Variants in AVL9 observed in about 807,000 individuals in gnomAD.
AVL9 encodes the protein late secretory pathway protein AVL9 homolog.
AVL9 carries 49 observed loss-of-function variants against 79.2 expected under a neutral mutation model. The observed-to-expected ratio is 0.62, with a 90% CI of 0.49 to 0.79. AVL9 has a LOEUF of 0.79. Among genes scored for constraint, AVL9 ranks in the 30% least tolerant of loss-of-function variants. The probability of loss-of-function intolerance (pLI) is 0.00; values close to 1 mark genes in which losing one functional copy is unlikely to be tolerated. For missense variants in AVL9, 682 were observed against 776.8 expected, an observed-to-expected ratio of 0.88 and a Z score of 1.45; for synonymous variants, 299 against 280.6, an observed-to-expected ratio of 1.07 and a Z score of -0.65.
chr7:32,562,924 G>A (rs1790390601), intron 10 of AVL9, among the ~76,000 whole-genome samples: 1 of 152,106 alleles, frequency 6.6e-6, no homozygotes, highest in Admixed American at 6.6e-5. Flanking sequence ...GTAAGACCCT[G>A]TCTCTATATA....
In AVL9 at chr7:32,570,079, C is replaced by T. The variant is rs760219037; in HGVS notation, c.1275C>T (p.Thr425=). Residue 425 remains threonine (T), a synonymous_variant, in exon 11 of 16, where the codon ACC becomes ACT. Transcript: ENST00000318709. ...AGCATCATCTTCTCTCCGATGTCAC[C>T]GTTCGGGGGTTTGTTGCTGGAGCTA... ...LQQHHLLSDV[T]VRGFVAGATN... 8.1e-6 allele frequency: 13 copies of T among 1,614,056 alleles called. No individual in the cohort carries two copies. Among genetic ancestry groups the T allele is most frequent in the African/African-American group, 5.3e-5 (4 of 74,932 alleles).
Position 32,552,281 on chromosome 7 carries a change from C to G in AVL9, c.515C>G (p.Ser172Cys), listed in dbSNP as rs1167116761. Reference protein sequence around the residue: ...SSLGGASLEGSQVYLGLSPRD... With the variant: ...SSLGGASLEGCQVYLGLSPRD... ...TTGGGAGGTGCTTCATTAGAAGGAT[C>G]CCAAGTATATCTTGGTAAGTAACTG... The change falls in exon 6 of 16, where the codon TCC becomes TGC. Residue 172 changes from serine (S) to cysteine (C), a missense_variant. Physicochemically the swap from Ser to Cys is moderately radical, Grantham distance 112. Transcript: ENST00000318709. 2 of 1,599,296 alleles carry G rather than the reference C, an allele frequency of 1.3e-6. No homozygotes were observed. Among genetic ancestry groups the G allele is most frequent in the African/African-American group, 1.3e-5 (1 of 74,700 alleles).
intron 10 of AVL9, among the ~76,000 whole-genome samples, chr7:32,568,240 G>A (rs866866871): frequency 8.2e-5 from 12 of 145,944 alleles, no homozygotes; most frequent in African/African-American, 2.1e-4. Context: ...TTACTCTGTC[G>A]CCCAGGCTGG....
At chr7:32,515,634 T>A (rs1438968655) in intron 1 of AVL9, among the ~76,000 whole-genome samples, 5 of 152,186 alleles carry the variant, frequency 3.3e-5, no homozygotes, top group Admixed American at 3.3e-4. Flanking sequence ...GTCTTCAGCC[T>A]GAGACCCATT....
At chr7:32,571,017 G>A (rs1790815987) in intron 11 of AVL9, among the ~76,000 whole-genome samples, 1 of 145,362 alleles carries the variant, frequency 6.9e-6, no homozygotes, top group African/African-American at 2.5e-5. Flanking sequence ...ATCACCTGAG[G>A]TCAGGAGTTC....
chr7:32,571,425 G>A (rs1486325257), intron 11 of AVL9, among the ~76,000 whole-genome samples: 1 of 151,960 alleles, frequency 6.6e-6, no homozygotes, highest in Non-Finnish European at 1.5e-5. Context: ...CTACTTGGGA[G>A]GCTGAGGCAG....
At chr7:32,562,552 T>TC in intron 10 of AVL9, 1 of 838,432 alleles carries the variant, frequency 1.2e-6, no homozygotes, top group Non-Finnish European at 1.4e-6. Context: ...AATCTTTAAT[T>TC]CACAGTCTTT....
At chr7:32,558,106 G>A (rs1174778701) in intron 8 of AVL9, among the ~76,000 whole-genome samples, 1 of 150,974 alleles carries the variant, frequency 6.6e-6, no homozygotes, top group Non-Finnish European at 1.5e-5. Flanking sequence ...TGCCCGCCTT[G>A]GCCTCCCAAA....
chr7:32,507,826 C>CTGTTTAGGGAATA (rs1787477085), intron 1 of AVL9, among the ~76,000 whole-genome samples: 1 of 152,188 alleles, frequency 6.6e-6, no homozygotes, highest in African/African-American at 2.4e-5. Flanking sequence ...AAATTGTTTT[C>CTGTTTAGGGAATA]CGAAACAGTG....
chr7:32,537,472 T>G (rs1436122648), intron 1 of AVL9: 6 of 146,896 alleles, frequency 4.1e-5, no homozygotes, highest in South Asian at 2.2e-4. Flanking sequence ...TTTTTTTTTT[T>G]TTTTTTTTTT....
intron 10 of AVL9, chr7:32,562,792 T>A: frequency 5.8e-6 from 1 of 172,846 alleles, no homozygotes; most frequent in Non-Finnish European, 1.2e-5. Context: ...CATGGTGGCA[T>A]ATGCCTGTAG....
chr7:32,502,392 CA>C (rs70992721), intron 1 of AVL9, among the ~76,000 whole-genome samples: 24,612 of 114,228 alleles, frequency 0.22, 2,426 homozygotes, highest in South Asian at 0.35. Flanking sequence ...AACCCTTTCT[CA>C]AAAAAAAAAA....
At position 32,551,419 on chromosome 7, in the gene AVL9, TAAAGGTA is replaced by T. The variant is rs1789812482; in HGVS notation, c.460_462+4del. 6.3e-7 allele frequency: 1 copy of T among 1,580,578 alleles called. No homozygotes were observed. Among genetic ancestry groups the T allele is most frequent in the Non-Finnish European group, 8.7e-7 (1 of 1,150,104 alleles). On this transcript the variant is annotated splice_donor_variant and splice_donor_region_variant and coding_sequence_variant and intron_variant, in exon 5 of 16. Transcript: ENST00000318709. LOFTEE classifies it high-confidence loss of function. ...AAGGATTTTTCCCAAATTTCTATTC[TAAAGGTA>T]ACTTTATACCCCTCTATAGATGTGT...
intron 3 of AVL9, among the ~76,000 whole-genome samples, chr7:32,547,340 C>T (rs570018549): frequency 2.0e-4 from 30 of 152,234 alleles, no homozygotes; most frequent in East Asian, 3.9e-4. Context: ...AATAGGGAAA[C>T]GCTGCCTAAA....
At position 32,515,278 on chromosome 7, in the gene AVL9, C is replaced by T. The variant is rs116010865; in HGVS notation, c.93+19476C>T. The stretch of plus-strand genomic sequence containing the variant: ...ACTTTTTGGTTTACAAATTGGCAAC[C>T]GATGAAAGAGACTCTGAGTATAGGT... On this transcript the variant is annotated intron_variant, in intron 1 of 15. Transcript: ENST00000318709. Among the ~76,000 whole-genome samples the T allele has an allele frequency of 2.1e-3, 321 of 152,196 alleles. 2 individuals are homozygous for T. Among genetic ancestry groups the T allele is most frequent in the African/African-American group, 7.3e-3 (304 of 41,544 alleles).
chr7:32,497,981 T>C (rs759786963), intron 1 of AVL9, among the ~76,000 whole-genome samples: 2 of 152,108 alleles, frequency 1.3e-5, no homozygotes, highest in Non-Finnish European at 2.9e-5. Context: ...TGCGCTGAGA[T>C]TGTGCATAGG....
At chr7:32,524,529 TACACACAC>T (rs34652596) in intron 1 of AVL9, among the ~76,000 whole-genome samples, 41 of 131,860 alleles carry the variant, frequency 3.1e-4, no homozygotes, top group Middle Eastern at 3.9e-3. Context: ...GAGGGAGAAA[TACACACAC>T]ACACACACAC....
At chr7:32,579,252 C>T (rs2128154124) in intron 13 of AVL9, among the ~76,000 whole-genome samples, 1 of 118,230 alleles carries the variant, frequency 8.5e-6, no homozygotes, top group East Asian at 2.5e-4. Flanking sequence ...TTTCCTACTG[C>T]CTGTATAATT....
chr7:32,538,918 G>A (rs1236000671), intron 1 of AVL9: 1 of 152,154 alleles, frequency 6.6e-6, no homozygotes, highest in Non-Finnish European at 1.5e-5. Context: ...CAAGAGGAGG[G>A]TGCACCCATT....
Sources: gnomAD v4.1 joint callset for allele counts (sites outside exome capture counted in the v4.1 genomes callset) on GRCh38, gnomAD v4.1.1 for gene constraint, MANE v1.5 for transcripts, NCBI Gene and HGNC (gene_info 2026-07-23, HGNC 2026-07-21) for gene names.